Variants in PCDHGA3 observed in about 807,000 individuals in gnomAD.
PCDHGA3 encodes the protein protocadherin gamma-A3.
In PCDHGA3, 40 loss-of-function variants were observed where a neutral mutation model predicts 58.5. The ratio of observed to expected loss-of-function variants is 0.68; its 90% CI spans 0.53 to 0.89. The LOEUF is 0.89. Ranked by LOEUF, PCDHGA3 falls within the 40% of genes least tolerant of loss-of-function variation. PCDHGA3 has a pLI of 0.00. For synonymous variants in PCDHGA3, 530 were observed against 525.7 expected, an observed-to-expected ratio of 1.01 and a Z score of -0.11; for missense variants, 1,223 against 1,195.9, an observed-to-expected ratio of 1.02 and a Z score of -0.33.
chr5:141,432,053 C>T lies in PCDHGA3; in HGVS notation c.2425-62754C>T. The T allele has an allele frequency of 6.2e-7, 1 of 1,614,240 alleles. No homozygotes were observed. Among genetic ancestry groups the T allele is most frequent in the South Asian group, 1.1e-5 (1 of 91,082 alleles). ...CGCCACTGACCGGGGAACCCCGCCC[C>T]TATCCACGGAAACTCATATCTCGCT... On this transcript the variant is annotated intron_variant, in intron 1 of 3. Transcript: ENST00000253812. The surrounding 1 kb of genome is among the most constrained non-coding windows in gnomAD (Gnocchi z 6.0).
At chr5:141,415,304 C>T (rs1468756434) in intron 1 of PCDHGA3, 2 of 1,614,188 alleles carry the variant, frequency 1.2e-6, no homozygotes, top group Non-Finnish European at 8.5e-7. Context: ...GTCTTCCTGG[C>T]CTTCGTCATC....
intron 1 of PCDHGA3, chr5:141,419,315 C>G (rs2096357855): frequency 1.2e-6 from 2 of 1,613,998 alleles, no homozygotes; most frequent in Non-Finnish European, 1.7e-6. Flanking sequence ...GCTCAACGGC[C>G]GTGTCTCCTA....
intron 1 of PCDHGA3, chr5:141,351,421 T>C (rs1758716971): frequency 3.1e-6 from 5 of 1,611,696 alleles, no homozygotes; most frequent in Non-Finnish European, 2.5e-6. Flanking sequence ...AAGAAGTTCC[T>C]TTCAAATTAG....
intron 1 of PCDHGA3, among the ~76,000 whole-genome samples, chr5:141,462,117 C>G (rs965365318): frequency 6.6e-6 from 1 of 152,170 alleles, no homozygotes; most frequent in African/African-American, 2.4e-5. Flanking sequence ...GCCACTGCAC[C>G]CAGTCCAATT....
At chr5:141,433,220 T>C (rs781745522) in intron 1 of PCDHGA3, 1 of 1,509,734 alleles carries the variant, frequency 6.6e-7, no homozygotes, top group South Asian at 1.2e-5. Flanking sequence ...TTTTTTTTTT[T>C]AATTGCTCTG....
chr5:141,394,488 G>A (rs753312224), intron 1 of PCDHGA3: 5 of 1,614,196 alleles, frequency 3.1e-6, no homozygotes, highest in South Asian at 2.2e-5. Flanking sequence ...GAATGACAAC[G>A]CGCCCGAGAT....
In PCDHGA3 at chr5:141,433,040, A is replaced by ACGGACT. The variant is rs753119003; in HGVS notation, c.2425-61764_2425-61759dup. The ACGGACT allele has an allele frequency of 8.1e-6, 13 of 1,614,088 alleles. No homozygotes were observed. In the African/African-American group the frequency reaches 1.7e-4, roughly 22 times the overall value. On this transcript the variant is annotated intron_variant, in intron 1 of 3. Transcript: ENST00000253812. ...CTATTCCCACGAGGTTTCCCTCACC[A>ACGGACT]CGGACTCGCGGAAGAGTCACCTGAT...
Position 141,386,595 on chromosome 5 carries a change from A to AT in PCDHGA3, c.2424+40150dup, listed in dbSNP as rs373179212. On this transcript the variant is annotated intron_variant, in intron 1 of 3. Coordinates refer to ENST00000253812, the MANE Select transcript of PCDHGA3 (RefSeq NM_018916.4). ...CTCTGTACAATAGTGTGGGGGATAC[A>AT]TTTTTTTTTTTTGACATGGAGTCTC... Among the ~76,000 whole-genome samples, 373 of 146,122 alleles carry AT rather than the reference A, an allele frequency of 2.6e-3. 1 individual carries two copies. The highest frequency in any genetic ancestry group is 0.012 in the East Asian group (62 of 5,036).
chr5:141,441,887 A>G, intron 1 of PCDHGA3: 1 of 344,596 alleles, frequency 2.9e-6, no homozygotes, highest in African/African-American at 2.2e-5. Context: ...CTGGTCACCA[A>G]GGTGGTGGCT....
chr5:141,367,537 A>AAAGTAAATAAAT (rs373624904), intron 1 of PCDHGA3: 1 of 147,434 alleles, frequency 6.8e-6, no homozygotes, highest in African/African-American at 2.5e-5. Flanking sequence ...ACTCCGTCTC[A>AAAGTAAATAAAT]AAATAAATAA....
chr5:141,409,629 C>T (rs1379627250), intron 1 of PCDHGA3: 3 of 1,613,860 alleles, frequency 1.9e-6, no homozygotes, highest in East Asian at 4.5e-5. Flanking sequence ...CAAGTGAGCG[C>T]CTCTGACCCG....
intron 1 of PCDHGA3, chr5:141,393,748 G>A (rs368249829): frequency 1.2e-6 from 2 of 1,613,866 alleles, no homozygotes; most frequent in Non-Finnish European, 8.5e-7. Flanking sequence ...TATGAAGAAT[G>A]TTCATTTTAT....
intron 1 of PCDHGA3, chr5:141,376,347 A>G (rs1218451115): frequency 6.2e-7 from 1 of 1,614,056 alleles, no homozygotes; most frequent in Non-Finnish European, 8.5e-7. Flanking sequence ...ACCTATTCCC[A>G]CGAGGTCTCA....
intron 1 of PCDHGA3, chr5:141,375,654 A>G (rs1771718244): frequency 6.2e-7 from 1 of 1,614,106 alleles, no homozygotes. Context: ...GACTATGAGC[A>G]GTTGAGAGAC....
intron 1 of PCDHGA3, among the ~76,000 whole-genome samples, chr5:141,445,597 G>T (rs2098471988): frequency 6.6e-6 from 1 of 152,200 alleles, no homozygotes; most frequent in African/African-American, 2.4e-5. Context: ...TAATCTGAAG[G>T]TCAAGGAAGG....
chr5:141,398,813 G>A (rs779872602), intron 1 of PCDHGA3: 11 of 1,613,838 alleles, frequency 6.8e-6, no homozygotes, highest in Admixed American at 3.3e-5. Flanking sequence ...ACTGAGCTCC[G>A]GATCCAGGTA....
rs773474154 is a variant in PCDHGA3, at chr5:141,477,751, G to A, written c.2425-17056G>A. The A allele has an allele frequency of 5.0e-6, 8 of 1,613,712 alleles. No individual in the cohort carries two copies. The highest frequency in any genetic ancestry group is 6.8e-6 in the Non-Finnish European group (8 of 1,180,030). ...CTCATATCAGCGATGGGGGCACCCC[G>A]GTCCTAGCCACCAACATCAGCGTGA... On this transcript the variant is annotated intron_variant, in intron 1 of 3. Transcript: ENST00000253812. The surrounding 1 kb of genome is among the most constrained non-coding windows in gnomAD (Gnocchi z 4.9).
intron 1 of PCDHGA3, among the ~76,000 whole-genome samples, chr5:141,484,723 G>T (rs930331672): frequency 1.3e-5 from 2 of 151,930 alleles, no homozygotes; most frequent in Non-Finnish European, 2.9e-5. Flanking sequence ...AAGGGGCGGG[G>T]TCAGTCGGTG....
Position 141,409,090 on chromosome 5 carries a change from G to C in PCDHGA3, c.2424+62633G>C, listed in dbSNP as rs181368417. 9.9e-5 allele frequency: 159 copies of C among 1,614,024 alleles called. No individual in the cohort carries two copies. The African/African-American group carries it at 1.9e-3, about 19-fold the overall frequency. On this transcript the variant is annotated intron_variant, in intron 1 of 3. Transcript: ENST00000253812. ...CAAAACATATGTTCTCATTGGATGA[G>C]AAAACAGGTATGATTAAGAATAACC...
Sources: allele counts gnomAD v4.1 joint callset (sites outside exome capture counted in the v4.1 genomes callset), GRCh38; gene constraint gnomAD v4.1.1; non-coding constraint Gnocchi (gnomAD v3.1); transcripts MANE v1.5; gene names NCBI Gene and HGNC (gene_info 2026-07-23, HGNC 2026-07-21).